Variants in MYO9B observed in about 807,000 individuals in gnomAD.
MYO9B encodes myosin IXB.
Under a neutral mutation model 229.5 loss-of-function variants are expected in MYO9B, and 71 were observed. That is an observed-to-expected ratio of 0.31 (90% confidence interval 0.26 to 0.38). The LOEUF (loss-of-function observed/expected upper bound fraction) is 0.38, where lower values mean the gene tolerates loss of function less well. MYO9B is among the 10% of genes least tolerant of loss of function. The pLI, the probability that MYO9B is intolerant of heterozygous loss-of-function variation, is 1.00. For missense variants in MYO9B, 2,255 were observed against 2,920.5 expected, an observed-to-expected ratio of 0.77 and a Z score of 5.25; for synonymous variants, 1,185 against 1,235.8, an observed-to-expected ratio of 0.96 and a Z score of 0.86.
chr19:17,129,444 C>T (rs1204370619), intron 2 of MYO9B, among the ~76,000 whole-genome samples: 8 of 152,258 alleles, frequency 5.3e-5, no homozygotes, highest in Non-Finnish European at 1.0e-4. Flanking sequence ...ATCAAGGCTC[C>T]GGGAAGTGAG....
At position 17,194,797 on chromosome 19, in the gene MYO9B, G is replaced by A. The variant is rs763406376; in HGVS notation, c.3370G>A (p.Glu1124Lys). 12 of 1,613,408 alleles carry A rather than the reference G, an allele frequency of 7.4e-6. No homozygotes were observed. The Admixed American group carries it at 1.2e-4, about 16-fold the overall frequency. ...SSPEKEAPSP[E>K]KTLPPQKTVA... The stretch of plus-strand genomic sequence containing the variant: ...ACCTGAGAAGGAGGCCCCAAGCCCA[G>A]AGAAGACTCTCCCACCCCAGAAAAC... The change falls in exon 22 of 40, where the codon GAG becomes AAG. Residue 1124 changes from glutamate to lysine, a missense_variant. This residue lies in a region of MYO9B where 679 missense variants were observed against 770.2 expected (regional missense o/e 0.88). Transcript: ENST00000682292.
rs1354740777 is a variant in MYO9B, at chr19:17,206,420, A to G, written c.5386+44A>G. 4 of 1,597,556 alleles carry G rather than the reference A, an allele frequency of 2.5e-6. No individual in the cohort carries two copies. In the South Asian group the frequency reaches 4.5e-5, roughly 18 times the overall value. ...CGGGTGGCAGCAGGTGGCCACAGCCAGGATACAGCGTTCGCTGTGACCAGC... is the reference window on the plus strand; with the variant it reads ...CGGGTGGCAGCAGGTGGCCACAGCCGGGATACAGCGTTCGCTGTGACCAGC... On this transcript the variant is annotated intron_variant, in intron 33 of 39. Coordinates refer to ENST00000682292, the MANE Select transcript of MYO9B (RefSeq NM_004145.4).
chr19:17,210,977 C>CTTTTT (rs35355662), intron 38 of MYO9B, 129 bp downstream of exon 38: 216 of 334,136 alleles, frequency 6.5e-4, no homozygotes, highest in African/African-American at 1.5e-3. Flanking sequence ...GCAAACAACA[C>CTTTTT]TTTTTTTTTT....
intron 13 of MYO9B, among the ~76,000 whole-genome samples, chr19:17,174,197 T>C (rs945360555): frequency 3.3e-5 from 5 of 151,870 alleles, no homozygotes; most frequent in Admixed American, 2.0e-4. Context: ...GCCTGGCTAA[T>C]TGTTTTGTAT....
At chr19:17,191,479 G>A (rs757110407) in intron 20 of MYO9B, among the ~76,000 whole-genome samples, 8 of 152,218 alleles carry the variant, frequency 5.3e-5, no homozygotes, top group Non-Finnish European at 1.2e-4. Flanking sequence ...GGAAAGGGAC[G>A]ATCGTGCTAA....
chr19:17,084,336 C>CA (rs200013930), intron 1 of MYO9B, among the ~76,000 whole-genome samples: 279 of 129,740 alleles, frequency 2.2e-3, no homozygotes, highest in Middle Eastern at 0.016. Context: ...AGACTCATCT[C>CA]AAAAAAAAAA....
At chr19:17,102,708 C>G (rs542795973) in intron 2 of MYO9B, among the ~76,000 whole-genome samples, 151 bp downstream of exon 2, 36 of 150,144 alleles carry the variant, frequency 2.4e-4, no homozygotes, top group Admixed American at 2.0e-3. Flanking sequence ...CAAGATCAGC[C>G]TGGGCAACAT....
chr19:17,079,000 G>A (rs2057510984), intron 1 of MYO9B, among the ~76,000 whole-genome samples: 1 of 152,232 alleles, frequency 6.6e-6, no homozygotes, highest in Non-Finnish European at 1.5e-5. Flanking sequence ...AGTTGGGGCT[G>A]TGCACTGTAG....
intron 10 of MYO9B, among the ~76,000 whole-genome samples, chr19:17,163,371 A>G (rs939725082): frequency 1.7e-5 from 1 of 59,140 alleles, no homozygotes; most frequent in Non-Finnish European, 3.2e-5. Context: ...ACCCCATTCC[A>G]CTTTTTTTTT....
chr19:17,206,226 A>AGGCG, intron 32 of MYO9B, 22 bp from the exon 33 acceptor site: 1 of 654,250 alleles, frequency 1.5e-6, no homozygotes, highest in Non-Finnish European at 2.5e-6. Context: ...CGCTCACCAG[A>AGGCG]CCCACCCCAC....
chr19:17,145,949 T>C (rs1425923340), intron 3 of MYO9B, among the ~76,000 whole-genome samples: 1 of 150,250 alleles, frequency 6.7e-6, no homozygotes, highest in African/African-American at 2.5e-5. Flanking sequence ...GATGGATGGA[T>C]GGATGATGGA....
At chr19:17,147,032 G>T (rs2072419327) in intron 3 of MYO9B, among the ~76,000 whole-genome samples, 1 of 152,188 alleles carries the variant, frequency 6.6e-6, no homozygotes, top group Admixed American at 6.5e-5. Flanking sequence ...CAGTGGTGTG[G>T]GTGAGTGGCC....
In MYO9B at chr19:17,212,523, G is replaced by T. The variant is rs2073243492; in HGVS notation, c.*213G>T. 5.7e-6 allele frequency: 3 copies of T among 521,950 alleles called. No homozygotes were observed. The highest frequency in any genetic ancestry group is 9.9e-6 in the Non-Finnish European group (3 of 303,062). 32.3% of individuals were successfully genotyped at this position (521,950 alleles called of 1,614,324 possible). Reference sequence around the variant, plus strand: ...CCTCGCACGCAGCCCCCAAATCATGGACGCACCTGTGGGGAGCACCACATC... The same window carrying T: ...CCTCGCACGCAGCCCCCAAATCATGTACGCACCTGTGGGGAGCACCACATC... On this transcript the variant is annotated 3_prime_UTR_variant, in exon 40 of 40. Coordinates refer to ENST00000682292, the MANE Select transcript of MYO9B (RefSeq NM_004145.4). This position sits in a 1 kb window ranked among gnomAD's most constrained non-coding sequence, Gnocchi z 5.4.
chr19:17,146,032 TAGAC>T (rs2072405133), intron 3 of MYO9B, among the ~76,000 whole-genome samples: 1 of 151,392 alleles, frequency 6.6e-6, no homozygotes, highest in African/African-American at 2.4e-5. Flanking sequence ...CGTAGATGGA[TAGAC>T]AGATTTATGG....
At chr19:17,104,268 C>T (rs1007419829) in intron 2 of MYO9B, among the ~76,000 whole-genome samples, 2 of 152,000 alleles carry the variant, frequency 1.3e-5, no homozygotes, top group Non-Finnish European at 2.9e-5. Flanking sequence ...GAAGCATTGT[C>T]GGGGAGGGGG....
At chr19:17,187,346 G>A (rs970215653) in intron 18 of MYO9B, among the ~76,000 whole-genome samples, 16 of 152,090 alleles carry the variant, frequency 1.1e-4, no homozygotes, top group East Asian at 5.8e-4. Context: ...CCCAGACCAA[G>A]CTCTCCTCTC....
intron 1 of MYO9B, among the ~76,000 whole-genome samples, chr19:17,096,307 G>T (rs1420837588): frequency 6.6e-6 from 1 of 152,130 alleles, no homozygotes; most frequent in Non-Finnish European, 1.5e-5. Context: ...CTCCTGAGAG[G>T]GGAATTGCAG....
chr19:17,105,292 G>A (rs1479793137), intron 2 of MYO9B, among the ~76,000 whole-genome samples: 1 of 146,834 alleles, frequency 6.8e-6, no homozygotes, highest in Admixed American at 7.0e-5. Flanking sequence ...GATCAGCCTG[G>A]GCAACATAAC....
intron 15 of MYO9B, among the ~76,000 whole-genome samples, chr19:17,182,922 G>A (rs1015608988): frequency 6.6e-6 from 1 of 151,958 alleles, no homozygotes; most frequent in Non-Finnish European, 1.5e-5. Context: ...AGCAGCTTTG[G>A]GTTTTGGGGG....
Sources: allele counts gnomAD v4.1 joint callset (sites outside exome capture counted in the v4.1 genomes callset), GRCh38; gene constraint gnomAD v4.1.1; regional missense constraint gnomAD v4.1.1; non-coding constraint Gnocchi (gnomAD v3.1); transcripts MANE v1.5; gene names NCBI Gene and HGNC (gene_info 2026-07-23, HGNC 2026-07-21).